The following ALDH4A1 variants were observed in gnomAD, a reference collection of about 807,000 sequenced individuals.
ALDH4A1 encodes aldehyde dehydrogenase 4 family member A1.
ALDH4A1 carries 46 observed loss-of-function variants against 70.5 expected under a neutral mutation model. That is an observed-to-expected ratio of 0.65 (90% CI 0.51 to 0.83). ALDH4A1 has a LOEUF of 0.83. Among genes scored for constraint, ALDH4A1 ranks in the 40% least tolerant of loss-of-function variants. The pLI, the probability that ALDH4A1 is intolerant of heterozygous loss-of-function variation, is 0.00. For synonymous variants in ALDH4A1, 323 were observed against 324.3 expected (o/e 1.00, Z 0.04); for missense variants, 749 against 766.5 (o/e 0.98, Z 0.27).
chr1:18,886,443 C>T, intron 4 of ALDH4A1, 21 bp downstream of exon 4: 1 of 1,613,978 alleles, frequency 6.2e-7, no homozygotes, highest in Non-Finnish European at 8.5e-7. Flanking sequence ...CCCGGGTCAC[C>T]AGGCACACAG....
intron 5 of ALDH4A1, 184 bp downstream of exon 5, chr1:18,885,289 G>T: frequency 1.6e-6 from 1 of 638,862 alleles, no homozygotes; most frequent in Non-Finnish European, 2.7e-6. Context: ...TGCACAATCT[G>T]TCTCGCCTAA....
At chr1:18,876,027 A>T (rs111978074) in intron 12 of ALDH4A1, among the ~76,000 whole-genome samples, 4 of 152,144 alleles carry the variant, frequency 2.6e-5, no homozygotes, top group African/African-American at 9.7e-5. Flanking sequence ...CCCACAGTAA[A>T]AGTCTATCAG....
intron 1 of ALDH4A1, chr1:18,900,957 C>T: frequency 1.2e-5 from 12 of 964,782 alleles, no homozygotes; most frequent in Non-Finnish European, 1.5e-5. Context: ...ATATGGATTG[C>T]TTTCTACTAG....
intron 12 of ALDH4A1, 73 bp downstream of exon 12, chr1:18,876,242 A>G: frequency 6.4e-7 from 1 of 1,566,946 alleles, no homozygotes. Context: ...GAATGTCTCC[A>G]GGAGAACTGT....
Position 18,872,765 on chromosome 1 carries a change from G to A in ALDH4A1, c.*80C>T. On this transcript the variant is annotated 3_prime_UTR_variant, in exon 15 of 15. Transcript: ENST00000375341. ...GGCAGCTGTGCATGAAGAAGGGGTG[G>A]AGGGGCTGGAGTGGGGTCTGTGCAG... 4.8e-6 allele frequency: 5 copies of A among 1,031,850 alleles called. No individual in the cohort carries two copies. Among genetic ancestry groups the A allele is most frequent in the Non-Finnish European group, 7.5e-6 (5 of 670,544 alleles). 63.9% of individuals were successfully genotyped at this position (1,031,850 alleles called of 1,614,324 possible).
At chr1:18,884,398 A>G (rs1248507504) in intron 5 of ALDH4A1, among the ~76,000 whole-genome samples, 1 of 152,106 alleles carries the variant, frequency 6.6e-6, no homozygotes, top group East Asian at 1.9e-4. Context: ...GGCTCCTGCA[A>G]TTTACCCTTC....
At chr1:18,887,892 C>T (rs990609505) in intron 3 of ALDH4A1, among the ~76,000 whole-genome samples, 3 of 152,234 alleles carry the variant, frequency 2.0e-5, no homozygotes, top group South Asian at 2.1e-4. Context: ...CTTTCTTTAA[C>T]CCCTGTCTTC....
chr1:18,890,978 C>T (rs1935411174), intron 1 of ALDH4A1: 1 of 846,648 alleles, frequency 1.2e-6, no homozygotes, highest in East Asian at 1.2e-4. Flanking sequence ...CTCACAGCCC[C>T]GGGAGGGCTG....
At chr1:18,883,936 G>A (rs940623329) in intron 5 of ALDH4A1, among the ~76,000 whole-genome samples, 1 of 152,216 alleles carries the variant, frequency 6.6e-6, no homozygotes, top group Non-Finnish European at 1.5e-5. Context: ...CAAGAGGCGA[G>A]TGACTGTGAT....
chr1:18,887,414 A>G (rs1179349169), intron 3 of ALDH4A1, among the ~76,000 whole-genome samples: 3 of 152,240 alleles, frequency 2.0e-5, no homozygotes, highest in East Asian at 1.9e-4. Context: ...CCTGGCTAAC[A>G]TGGTGAAACC....
intron 5 of ALDH4A1, among the ~76,000 whole-genome samples, chr1:18,884,996 GTGGGCGAGC>G (rs1207553883): frequency 6.6e-6 from 1 of 152,196 alleles, no homozygotes; most frequent in East Asian, 1.9e-4. Flanking sequence ...ATGCAGAGCA[GTGGGCGAGC>G]TGGACAGAGG....
rs79648107 is a variant in ALDH4A1 at position 18,874,705 on chromosome 1, G to A, written c.1461-124C>T. The A allele has an allele frequency of 7.3e-3, 6,613 of 910,386 alleles. 91 individuals carry two copies. Among genetic ancestry groups the A allele is most frequent in the East Asian group, 0.031 (1,194 of 38,798 alleles). 56.4% of individuals were successfully genotyped at this position (910,386 alleles called of 1,614,324 possible). A position where few individuals can be genotyped will look rare whatever the true frequency, so the allele number is the denominator to read the frequency against. ...AGGTTCAACAGGAGGCCGAGTCAGG[G>A]ATGAGGGATGCTGCCAGCTGTTGGC... On this transcript the variant is annotated intron_variant, in intron 13 of 14. Transcript: ENST00000375341.
chr1:18,901,618 G>C (rs1387588130), intron 1 of ALDH4A1, among the ~76,000 whole-genome samples: 1 of 152,164 alleles, frequency 6.6e-6, no homozygotes, highest in Admixed American at 6.5e-5. Flanking sequence ...TTTGCAAATC[G>C]GGATTTGAAG....
chr1:18,896,617 G>C (rs1266911957), intron 1 of ALDH4A1, among the ~76,000 whole-genome samples: 2 of 152,196 alleles, frequency 1.3e-5, no homozygotes, highest in Non-Finnish European at 1.5e-5. Flanking sequence ...GCCCAGCCAG[G>C]CAAAGTGGCT....
chr1:18,880,870 C>A lies in ALDH4A1; in HGVS notation c.866+830G>T, dbSNP rs1934940380. ...TTTGCAATCTCTGCCTGACACAGAACTCTGACTCAGCCACTCTCCCTGCTT... is the reference window on the plus strand; with the variant it reads ...TTTGCAATCTCTGCCTGACACAGAAATCTGACTCAGCCACTCTCCCTGCTT... On this transcript the variant is annotated intron_variant, in intron 8 of 14. Coordinates refer to ENST00000375341, the MANE Select transcript of ALDH4A1 (RefSeq NM_003748.4). The surrounding 1 kb of genome is among the most constrained non-coding windows in gnomAD (Gnocchi z 5.1). Among the ~76,000 whole-genome samples the A allele has an allele frequency of 6.6e-6, 1 of 152,182 alleles. No individual in the cohort carries two copies. The highest frequency in any genetic ancestry group is 1.5e-5 in the Non-Finnish European group (1 of 68,042).
At position 18,877,477 on chromosome 1, in the gene ALDH4A1, G is replaced by A. The variant is rs1934756348; in HGVS notation, c.1076C>T (p.Ser359Leu). 4.4e-6 allele frequency: 7 copies of A among 1,598,830 alleles called. No homozygotes were observed. The highest frequency in any genetic ancestry group is 4.5e-5 in the East Asian group (2 of 44,338). The change falls in exon 10 of 15, where the codon TCG becomes TTG. Residue 359 changes from serine to leucine, a missense_variant. Physicochemically the swap from Ser to Leu is moderately radical, Grantham distance 145. Transcript: ENST00000375341. ...SACSRLYVPH[S>L]LWPQIKGRLL... ...CCGCCCTTTGATCTGCGGCCACAGC[G>A]AGTGCGGCACGTAGAGACGCGAGCA...
chr1:18,874,818 C>T (rs969902800), intron 13 of ALDH4A1, among the ~76,000 whole-genome samples: 15 of 152,318 alleles, frequency 9.8e-5, no homozygotes, highest in African/African-American at 2.9e-4. Context: ...AGGGCTACTG[C>T]GAAGTTGAAG....
intron 11 of ALDH4A1, 76 bp from the exon 12 acceptor site, chr1:18,876,543 C>A (rs1934694032): frequency 6.8e-7 from 1 of 1,469,466 alleles, no homozygotes; most frequent in Non-Finnish European, 9.1e-7. Context: ...ACACACTCAC[C>A]CCGAAACACC....
rs1468976055 is a variant in ALDH4A1, at chr1:18,889,421, T to C, written c.190A>G (p.Ile64Val). The stretch of plus-strand genomic sequence containing the variant: ...TCCTCATCCCCCACCACGCATGGGA[T>C]GGCTTCCATCCGGCCCTTCAGGTCC... The part of the protein sequence containing the change: ...LKDLKGRMEA[I>V]PCVVGDEEVW... The change falls in exon 3 of 15, where the codon ATC becomes GTC. Residue 64 changes from isoleucine (I) to valine (V), a missense_variant. Transcript: ENST00000375341. The C allele has an allele frequency of 6.4e-7, 1 of 1,552,564 alleles. No individual in the cohort carries two copies. Among genetic ancestry groups the C allele is most frequent in the Non-Finnish European group, 8.7e-7 (1 of 1,147,544 alleles).
Sources: gnomAD v4.1 joint callset for allele counts (sites outside exome capture counted in the v4.1 genomes callset) on GRCh38, gnomAD v4.1.1 for gene constraint, Gnocchi (gnomAD v3.1) non-coding constraint, MANE v1.5 for transcripts, NCBI Gene and HGNC (gene_info 2026-07-23, HGNC 2026-07-21) for gene names.